The following GRK5 variants were observed in gnomAD, a reference collection of about 807,000 sequenced individuals.
GRK5 encodes g protein-coupled receptor kinase GRK5.
Under a neutral mutation model 78.4 loss-of-function variants are expected in GRK5, and 40 were observed. The observed-to-expected ratio is 0.51, with a 90% CI of 0.40 to 0.66. The LOEUF is 0.66. Among genes scored for constraint, GRK5 ranks in the 30% least tolerant of loss-of-function variants. The pLI is 0.00. For missense variants in GRK5, 598 were observed against 759.9 expected, an observed-to-expected ratio of 0.79 and a Z score of 2.50; for synonymous variants, 289 against 296.8, an observed-to-expected ratio of 0.97 and a Z score of 0.27.
At chr10:119,242,218 C>A (rs1171649004) in intron 1 of GRK5, among the ~76,000 whole-genome samples, 1 of 151,888 alleles carries the variant, frequency 6.6e-6, no homozygotes, top group Non-Finnish European at 1.5e-5. Flanking sequence ...ATAACTTACA[C>A]CCTATTAAAG....
At position 119,448,273 on chromosome 10, in the gene GRK5, C is replaced by A; in HGVS notation, c.1404+13C>A. 6.3e-7 allele frequency: 1 copy of A among 1,580,218 alleles called. No individual in the cohort carries two copies. Among genetic ancestry groups the A allele is most frequent in the Non-Finnish European group, 8.6e-7 (1 of 1,167,258 alleles). On this transcript the variant is annotated intron_variant, in intron 13 of 15. Coordinates refer to ENST00000392870, the MANE Select transcript of GRK5 (RefSeq NM_005308.3). ...CTTCGTTCCAGACGTGAGTAGCCTCCCCCAGCCCCCAGCAGCTCCCTTCAC... is the reference window on the plus strand; with the variant it reads ...CTTCGTTCCAGACGTGAGTAGCCTCACCCAGCCCCCAGCAGCTCCCTTCAC...
intron 1 of GRK5, among the ~76,000 whole-genome samples, chr10:119,314,265 C>T (rs1298179118): frequency 1.3e-5 from 2 of 152,260 alleles, no homozygotes; most frequent in African/African-American, 4.8e-5. Context: ...CTCTCGCCGC[C>T]TCCTGGCCTG....
At chr10:119,388,844 A>G (rs1302482824) in intron 3 of GRK5, among the ~76,000 whole-genome samples, 2 of 152,214 alleles carry the variant, frequency 1.3e-5, no homozygotes, top group Non-Finnish European at 1.5e-5. Flanking sequence ...ACAGTTATTC[A>G]CATGCCTGGC....
intron 1 of GRK5, among the ~76,000 whole-genome samples, chr10:119,228,836 C>A (rs181817340): frequency 1.2e-4 from 19 of 152,022 alleles, no homozygotes; most frequent in Non-Finnish European, 2.4e-4. Flanking sequence ...GAAATAAAAT[C>A]CTTAAAGAAA....
chr10:119,297,762 TG>T (rs1353596205), intron 1 of GRK5, among the ~76,000 whole-genome samples: 5 of 152,246 alleles, frequency 3.3e-5, no homozygotes, highest in Non-Finnish European at 5.9e-5. Context: ...GCTGAAGTCA[TG>T]CTCTTGGACT....
chr10:119,408,700 G>A (rs985339912), intron 4 of GRK5, among the ~76,000 whole-genome samples: 2 of 152,206 alleles, frequency 1.3e-5, no homozygotes, highest in Non-Finnish European at 2.9e-5. Flanking sequence ...ACGTGGGAGG[G>A]AGGGAGTAGG....
chr10:119,214,387 C>T (rs1041230881), intron 1 of GRK5, among the ~76,000 whole-genome samples: 2 of 152,156 alleles, frequency 1.3e-5, no homozygotes, highest in Admixed American at 6.5e-5. Flanking sequence ...ACTGCATTGA[C>T]TCTACTGTGC....
chr10:119,317,379 T>TGTGTGC (rs1201845044), intron 1 of GRK5, among the ~76,000 whole-genome samples: 1 of 148,958 alleles, frequency 6.7e-6, no homozygotes, highest in African/African-American at 2.5e-5. Context: ...TGTGTGTGTG[T>TGTGTGC]GTGTGCCCAA....
At chr10:119,318,690 A>G (rs1850532914) in intron 1 of GRK5, among the ~76,000 whole-genome samples, 1 of 152,122 alleles carries the variant, frequency 6.6e-6, no homozygotes, top group Non-Finnish European at 1.5e-5. Context: ...CACAGGGACA[A>G]TGCCTTCCTG....
chr10:119,404,998 C>T (rs535122272), intron 4 of GRK5, among the ~76,000 whole-genome samples: 5 of 152,310 alleles, frequency 3.3e-5, no homozygotes, highest in African/African-American at 1.2e-4. Flanking sequence ...CATTTTGCTG[C>T]GGCTCATTTT....
intron 1 of GRK5, among the ~76,000 whole-genome samples, chr10:119,280,980 AT>A (rs1849753988): frequency 6.6e-6 from 1 of 151,726 alleles, no homozygotes; most frequent in Non-Finnish European, 1.5e-5. Flanking sequence ...GGGTTTCATC[AT>A]TTTAGTCAGG....
intron 1 of GRK5, among the ~76,000 whole-genome samples, chr10:119,297,015 A>G (rs1489513663): frequency 1.3e-5 from 2 of 152,254 alleles, no homozygotes; most frequent in Non-Finnish European, 2.9e-5. Context: ...ACACCAAGAT[A>G]GGAGCCTTCT....
chr10:119,455,149 T>C lies in GRK5; in HGVS notation c.*82T>C. 8.9e-7 allele frequency: 1 copy of C among 1,119,716 alleles called. No individual in the cohort carries two copies. The highest frequency in any genetic ancestry group is 1.4e-6 in the Non-Finnish European group (1 of 736,166). 69.4% of individuals were successfully genotyped at this position (1,119,716 alleles called of 1,614,324 possible). On this transcript the variant is annotated 3_prime_UTR_variant, in exon 16 of 16. Coordinates refer to ENST00000392870, the MANE Select transcript of GRK5 (RefSeq NM_005308.3). ...AGTGGAAGTAGTGGAGCCCCTGCTC[T>C]GGTGGGGCTGCCAGGGGAGACCCCG...
chr10:119,376,759 G>C (rs1028572072), intron 2 of GRK5, among the ~76,000 whole-genome samples: 1 of 152,008 alleles, frequency 6.6e-6, no homozygotes, highest in Non-Finnish European at 1.5e-5. Flanking sequence ...TAGAGACAGG[G>C]TTTCACTATG....
At chr10:119,391,392 C>CGTGCA (rs2133842981) in intron 3 of GRK5, among the ~76,000 whole-genome samples, 1 of 152,336 alleles carries the variant, frequency 6.6e-6, no homozygotes, top group South Asian at 2.1e-4. Flanking sequence ...TCTGAAGCAC[C>CGTGCA]GTGCAGGGCA....
intron 2 of GRK5, among the ~76,000 whole-genome samples, chr10:119,328,599 T>G (rs1850717790): frequency 6.6e-6 from 1 of 152,198 alleles, no homozygotes; most frequent in African/African-American, 2.4e-5. Context: ...AAGAGGGATG[T>G]TACCTCACAA....
chr10:119,358,972 C>G (rs1339622490), intron 2 of GRK5, among the ~76,000 whole-genome samples: 1 of 152,150 alleles, frequency 6.6e-6, no homozygotes, highest in African/African-American at 2.4e-5. Context: ...AGGGCCCCAC[C>G]CTGAAGAATT....
chr10:119,380,552 C>A (rs72837508), intron 2 of GRK5, among the ~76,000 whole-genome samples: 2,076 of 152,360 alleles, frequency 0.014, 11 homozygotes, highest in Middle Eastern at 0.02. Context: ...GTCCCCAGAA[C>A]TGCTGGCATG....
intron 1 of GRK5, among the ~76,000 whole-genome samples, chr10:119,285,386 C>T (rs1479320219): frequency 2.0e-5 from 3 of 152,188 alleles, no homozygotes; most frequent in African/African-American, 7.2e-5. Flanking sequence ...CCCCAAGGCT[C>T]GATTCCTGGG....
Sources: gnomAD v4.1 joint callset for allele counts (sites outside exome capture counted in the v4.1 genomes callset) on GRCh38, gnomAD v4.1.1 for gene constraint, MANE v1.5 for transcripts, NCBI Gene and HGNC (gene_info 2026-07-23, HGNC 2026-07-21) for gene names.